Variants in ANKMY1 observed in about 807,000 individuals in gnomAD.
ANKMY1 encodes the protein ankyrin repeat and MYND domain-containing protein 1.
ANKMY1 carries 98 observed loss-of-function variants against 102.0 expected under a neutral mutation model. That is an observed-to-expected ratio of 0.96 (90% CI 0.82 to 1.14). The LOEUF (loss-of-function observed/expected upper bound fraction) is 1.14, where lower values mean the gene tolerates loss of function less well. ANKMY1 is among the 50% of genes most tolerant of loss of function. The pLI, the probability that ANKMY1 is intolerant of heterozygous loss-of-function variation, is 0.00. For synonymous variants in ANKMY1, 582 were observed against 559.9 expected, an observed-to-expected ratio of 1.04 and a Z score of -0.56; for missense variants, 1,330 against 1,347.6, an observed-to-expected ratio of 0.99 and a Z score of 0.20.
At chr2:240,473,123 T>TAAAA in the ANKMY1 span, among the ~76,000 whole-genome samples, 32 of 108,406 alleles carry the variant, frequency 3.0e-4, no homozygotes, top group African/African-American at 1.2e-3. Context: ...AAACTCTGTC[T>TAAAA]AAAAAAAAAA....
chr2:240,544,633 G>T (rs533309941), intron 4 of ANKMY1, among the ~76,000 whole-genome samples: 1 of 152,210 alleles, frequency 6.6e-6, no homozygotes, highest in Non-Finnish European at 1.5e-5. Flanking sequence ...GACAGTGGGC[G>T]CAGGTCAGTG....
the ANKMY1 span, among the ~76,000 whole-genome samples, chr2:240,469,673 TAC>T: frequency 6.8e-6 from 1 of 146,508 alleles, no homozygotes; most frequent in South Asian, 2.2e-4. Context: ...ACTCCACATT[TAC>T]ACACACAAAC....
intron 9 of ANKMY1, among the ~76,000 whole-genome samples, chr2:240,518,717 T>G (rs78229855): frequency 1.3e-3 from 198 of 152,352 alleles, no homozygotes; most frequent in African/African-American, 4.6e-3. Flanking sequence ...AATAAACATG[T>G]GACACAGTGA....
intron 4 of ANKMY1, among the ~76,000 whole-genome samples, chr2:240,541,502 CTTTTTTT>C (rs556472606): frequency 1.6e-5 from 2 of 125,534 alleles, no homozygotes; most frequent in Non-Finnish European, 3.3e-5. Flanking sequence ...TATGTTGTTG[CTTTTTTT>C]TTTTTTTTTT....
At chr2:240,532,215 CA>C in intron 4 of ANKMY1, 1 of 388,916 alleles carries the variant, frequency 2.6e-6, no homozygotes, top group Non-Finnish European at 5.3e-6. Context: ...AATAGGCTGA[CA>C]GCTGACTTCT....
Position 240,525,750 on chromosome 2 carries a change from G to A in ANKMY1, c.1270C>T (p.Leu424Phe), listed in dbSNP as rs144217450. The A allele has an allele frequency of 3.1e-6, 5 of 1,614,044 alleles. No homozygotes were observed. In the East Asian group the frequency reaches 1.1e-4, roughly 36 times the overall value. The stretch of plus-strand genomic sequence containing the variant: ...AAGGACTGGGCGGGGTAGTGGAGGA[G>A]GAAACACATGCTGAGTGCCGTGAGA... ...EGLTALSMCF[L>F]LHYPAQSFKP... The change falls in exon 7 of 18, where the codon CTC becomes TTC. Residue 424 changes from leucine to phenylalanine, a missense_variant. By Grantham distance (22) the Leu-to-Phe change is conservative. Coordinates refer to ENST00000401804, the MANE Select transcript of ANKMY1 (RefSeq NM_001282771.3).
intron 4 of ANKMY1, among the ~76,000 whole-genome samples, chr2:240,541,800 C>T (rs1431775932): frequency 2.6e-5 from 4 of 151,994 alleles, no homozygotes; most frequent in Admixed American, 1.3e-4. Flanking sequence ...CCACGCTGGG[C>T]GTATGTTGCT....
At chr2:240,528,937 G>A (rs77118343) in intron 5 of ANKMY1, 100 bp downstream of exon 5, 22,047 of 1,072,636 alleles carry the variant, frequency 0.021, 400 homozygotes, top group Middle Eastern at 0.076. Flanking sequence ...CACCCTGAGG[G>A]AGCACTGTCA....
the ANKMY1 span, among the ~76,000 whole-genome samples, chr2:240,469,811 T>TACACACATGC: frequency 3.3e-5 from 5 of 150,856 alleles, no homozygotes; most frequent in East Asian, 9.7e-4. Context: ...CCTACACATG[T>TACACACATGC]ACACACATGC....
At chr2:240,556,580 T>A (rs2092370845) in intron 2 of ANKMY1, among the ~76,000 whole-genome samples, 3 of 152,330 alleles carry the variant, frequency 2.0e-5, no homozygotes, top group Admixed American at 2.0e-4. Flanking sequence ...GATCTAAGTG[T>A]GCTCAATAAA....
chr2:240,510,061 A>G (rs1265257665), intron 11 of ANKMY1, among the ~76,000 whole-genome samples: 1 of 80,666 alleles, frequency 1.2e-5, no homozygotes, highest in South Asian at 4.2e-4. Flanking sequence ...CTCCTTCCCC[A>G]TTCTTGCCCT....
chr2:240,524,982 C>A (rs1394784834), intron 7 of ANKMY1, among the ~76,000 whole-genome samples: 2 of 152,194 alleles, frequency 1.3e-5, no homozygotes, highest in South Asian at 4.1e-4. Flanking sequence ...ACATAGAAAT[C>A]GACTCTTCTG....
intron 5 of ANKMY1, among the ~76,000 whole-genome samples, chr2:240,528,525 C>T (rs1354074267): frequency 1.3e-5 from 2 of 152,156 alleles, no homozygotes; most frequent in African/African-American, 2.4e-5. Context: ...ACAAACCCTG[C>T]TCTCCATGTC....
intron 4 of ANKMY1, among the ~76,000 whole-genome samples, chr2:240,540,984 G>A (rs1005624084): frequency 5.9e-5 from 9 of 152,200 alleles, no homozygotes; most frequent in Non-Finnish European, 1.2e-4. Flanking sequence ...CATCAAGATA[G>A]GTGAGTGTCC....
rs910251534 is a variant in ANKMY1, at chr2:240,520,707, A to G, written c.1833-174T>C. 2.0e-5 allele frequency among the ~76,000 whole-genome samples: 3 copies of G among 151,760 alleles called. No homozygotes were observed. Among genetic ancestry groups the G allele is most frequent in the African/African-American group, 7.3e-5 (3 of 41,282 alleles). The stretch of plus-strand genomic sequence containing the variant: ...CACACACGCAGACACACCACACAGC[A>G]CACAACTACACACAAGCCACACCAG... On this transcript the variant is annotated intron_variant, in intron 8 of 17. Transcript: ENST00000401804. This position sits in a 1 kb window ranked among gnomAD's most constrained non-coding sequence, Gnocchi z 4.8.
At chr2:240,522,240 C>T (rs556383201) in intron 8 of ANKMY1, 17 of 152,392 alleles carry the variant, frequency 1.1e-4, no homozygotes, top group African/African-American at 4.1e-4. Context: ...CACAAAAGTT[C>T]TCCAAGTCCC....
chr2:240,512,028 C>T (rs368678246), intron 10 of ANKMY1, 27 bp from the exon 11 acceptor site: 60 of 1,513,364 alleles, frequency 4.0e-5, no homozygotes, highest in East Asian at 2.1e-4. Flanking sequence ...GCTCCGCCAG[C>T]GCCCACGGAC....
chr2:240,520,452 G>A lies in ANKMY1; in HGVS notation c.1914C>T (p.Val638=). ...CCCCGGCCTTCACAGCAAGGAACAG[G>A]ACCTGCATGGGCACGCAGCACAGGT... ...DPNLCCVPMQ[V]LFLAVKAGDV... is the part of the protein sequence containing the mutation. Residue 638 remains valine, a synonymous_variant, in exon 9 of 18, where the codon GTC becomes GTT. Transcript: ENST00000401804. The surrounding 1 kb of genome is among the most constrained non-coding windows in gnomAD (Gnocchi z 4.8). 1 of 1,613,426 alleles carries A rather than the reference G, an allele frequency of 6.2e-7. No homozygotes were observed. Among genetic ancestry groups the A allele is most frequent in the South Asian group, 1.1e-5 (1 of 91,028 alleles).
At chr2:240,548,858 T>C (rs2090957481) in intron 4 of ANKMY1, among the ~76,000 whole-genome samples, 1 of 151,146 alleles carries the variant, frequency 6.6e-6, no homozygotes, top group African/African-American at 2.4e-5. Flanking sequence ...CTCAAGGAAA[T>C]AAAAGAGGAT....
Sources: allele counts gnomAD v4.1 joint callset (sites outside exome capture counted in the v4.1 genomes callset), GRCh38; gene constraint gnomAD v4.1.1; non-coding constraint Gnocchi (gnomAD v3.1); transcripts MANE v1.5; gene names NCBI Gene and HGNC (gene_info 2026-07-23, HGNC 2026-07-21).